The following ALKBH8 variants were observed in gnomAD, a reference collection of about 807,000 sequenced individuals.
ALKBH8 encodes the protein tRNA (carboxymethyluridine(34)-5-O)-methyltransferase ALKBH8.
In ALKBH8, 36 loss-of-function variants were observed where a neutral mutation model predicts 59.8. The observed-to-expected ratio is 0.60, with a 90% CI of 0.46 to 0.79. The LOEUF is 0.79. Among genes scored for constraint, ALKBH8 ranks in the 30% least tolerant of loss-of-function variants. ALKBH8 has a pLI of 0.00. For synonymous variants in ALKBH8, 276 were observed against 273.6 expected, an observed-to-expected ratio of 1.01 and a Z score of -0.09; for missense variants, 768 against 801.0, an observed-to-expected ratio of 0.96 and a Z score of 0.50.
At chr11:107,530,088 T>C (rs867668614) in intron 8 of ALKBH8, among the ~76,000 whole-genome samples, 121 of 152,304 alleles carry the variant, frequency 7.9e-4, no homozygotes, top group African/African-American at 2.8e-3. Flanking sequence ...CAAATTTTTA[T>C]GTGAAAACTC....
At chr11:107,506,623 T>C (rs1378212041) in intron 11 of ALKBH8, among the ~76,000 whole-genome samples, 2 of 152,132 alleles carry the variant, frequency 1.3e-5, no homozygotes, top group African/African-American at 4.8e-5. Flanking sequence ...CAAGTCAGTA[T>C]AAGTTACCCA....
At chr11:107,523,050 CAAA>C (rs56663802) in intron 9 of ALKBH8, among the ~76,000 whole-genome samples, 249 of 146,560 alleles carry the variant, frequency 1.7e-3, no homozygotes, top group Middle Eastern at 3.5e-3. Context: ...CTGCCTTGCT[CAAA>C]AAAAAAAAAA....
intron 7 of ALKBH8, among the ~76,000 whole-genome samples, chr11:107,548,623 T>G (rs903588349): frequency 1.3e-5 from 2 of 152,204 alleles, no homozygotes; most frequent in African/African-American, 4.8e-5. Flanking sequence ...TTGTGTCATA[T>G]CAAACACCAC....
Position 107,556,893 on chromosome 11 carries a change from C to G in ALKBH8, c.240G>C (p.Lys80Asn), listed in dbSNP as rs1417562808. 5 of 1,611,820 alleles carry G rather than the reference C, an allele frequency of 3.1e-6. No homozygotes were observed. Among genetic ancestry groups the G allele is most frequent in the Non-Finnish European group, 4.2e-6 (5 of 1,178,986 alleles). The part of the protein sequence containing the change: ...LVDALLMPPN[K>N]PYSFARYRTT... The stretch of plus-strand genomic sequence containing the variant: ...TTCTGTATCTTGCAAATGAGTACGG[C>G]TTGTTAGGTGGCATTAAGAGAGCAT... Residue 80 changes from lysine (K) to asparagine (N), a missense_variant, in exon 3 of 12, where the codon AAG becomes AAC. By Grantham distance (94) the Lys-to-Asn change is moderately conservative. Coordinates refer to ENST00000428149, the MANE Select transcript of ALKBH8 (RefSeq NM_138775.3).
chr11:107,508,396 CT>C (rs1289135286), intron 11 of ALKBH8, among the ~76,000 whole-genome samples: 1 of 152,174 alleles, frequency 6.6e-6, no homozygotes, highest in East Asian at 1.9e-4. Context: ...TGGTCTCAGA[CT>C]CCTGACCTCA....
chr11:107,553,032 AT>A, intron 5 of ALKBH8, 75 bp downstream of exon 5: 2 of 844,614 alleles, frequency 2.4e-6, no homozygotes, highest in South Asian at 4.2e-5. Flanking sequence ...AAGAAACATA[AT>A]CCCCCAACTA....
chr11:107,510,709 A>C (rs1862584139), intron 11 of ALKBH8, among the ~76,000 whole-genome samples, 178 bp downstream of exon 11: 1 of 152,222 alleles, frequency 6.6e-6, no homozygotes, highest in Non-Finnish European at 1.5e-5. Flanking sequence ...AGTAGAAGAT[A>C]CTTAAACAGT....
At chr11:107,553,653 G>A (rs1864585868) in intron 4 of ALKBH8, among the ~76,000 whole-genome samples, 194 bp downstream of exon 4, 1 of 152,082 alleles carries the variant, frequency 6.6e-6, no homozygotes, top group African/African-American at 2.4e-5. Context: ...TCAGTTTGGA[G>A]TTAAAATTTG....
intron 7 of ALKBH8, among the ~76,000 whole-genome samples, chr11:107,548,903 T>C (rs1864378665): frequency 6.6e-6 from 1 of 151,626 alleles, no homozygotes; most frequent in Non-Finnish European, 1.5e-5. Flanking sequence ...CGGGCTGGAG[T>C]GCAGTGGCGC....
intron 6 of ALKBH8, among the ~76,000 whole-genome samples, chr11:107,550,817 G>C (rs779445576): frequency 1.1e-4 from 16 of 152,152 alleles, no homozygotes; most frequent in Non-Finnish European, 2.2e-4. Context: ...TGCACACACA[G>C]AGAAAAGGAC....
At chr11:107,545,670 T>C (rs754215131) in intron 7 of ALKBH8, among the ~76,000 whole-genome samples, 2 of 152,308 alleles carry the variant, frequency 1.3e-5, no homozygotes, top group African/African-American at 2.4e-5. Context: ...CTTGCCCAAA[T>C]AGCTCTCTCT....
At chr11:107,539,490 T>A (rs536351319) in intron 7 of ALKBH8, among the ~76,000 whole-genome samples, 1 of 151,978 alleles carries the variant, frequency 6.6e-6, no homozygotes. Flanking sequence ...TCCCAGCTAC[T>A]TGGGAGGCTG....
Position 107,505,240 on chromosome 11 carries a change from G to GT in ALKBH8, c.1438-26_1438-25insA, listed in dbSNP as rs763847489. On this transcript the variant is annotated intron_variant, in intron 11 of 11. Transcript: ENST00000428149. ...CCTAATGAAAAAAAACAAAACACAT[G>GT]ATCAACCTGGAAGAGACAGGAAATC... 426 of 1,491,246 alleles carry GT rather than the reference G, an allele frequency of 2.9e-4. 1 individual carries two copies. Among genetic ancestry groups the GT allele is most frequent in the Middle Eastern group, 2.8e-3 (16 of 5,684 alleles). The allele number at this position is 1,491,246 out of a possible 1,614,324, so 92.4% of individuals were successfully genotyped here. A position where few individuals can be genotyped will look rare whatever the true frequency, so the allele number is the denominator to read the frequency against.
intron 10 of ALKBH8, among the ~76,000 whole-genome samples, chr11:107,522,007 C>T (rs1035975102): frequency 6.6e-6 from 1 of 151,860 alleles, no homozygotes; most frequent in African/African-American, 2.4e-5. Context: ...AAAATGATTT[C>T]TATAAAAATC....
Position 107,551,902 on chromosome 11 carries a change from G to A in ALKBH8, c.606C>T (p.Asp202=). ...ATTTCTCCAAAAAGCTTTCACAAAT[G>A]TCAGGAAGACCTACAATGAGTAATC... The part of the protein sequence containing the change: ...KDKPLSGGLP[D]ICESFLEKWL... The change falls in exon 6 of 12, where the codon GAC becomes GAT. Residue 202 remains aspartate, a synonymous_variant. Coordinates refer to ENST00000428149, the MANE Select transcript of ALKBH8 (RefSeq NM_138775.3). 8 of 1,516,656 alleles carry A rather than the reference G, an allele frequency of 5.3e-6. No homozygotes were observed. Among genetic ancestry groups the A allele is most frequent in the Non-Finnish European group, 7.0e-6 (8 of 1,134,758 alleles). 93.9% of individuals were successfully genotyped at this position (1,516,656 alleles called of 1,614,324 possible).
At chr11:107,557,114 G>T (rs557834408) in intron 2 of ALKBH8, 111 bp from the exon 3 acceptor site, 2 of 794,426 alleles carry the variant, frequency 2.5e-6, no homozygotes, top group Admixed American at 3.5e-5. Context: ...GAAAAAAAAA[G>T]CATTTCCTTG....
intron 7 of ALKBH8, among the ~76,000 whole-genome samples, chr11:107,535,742 T>C (rs1030615923): frequency 6.6e-6 from 1 of 152,124 alleles, no homozygotes; most frequent in Non-Finnish European, 1.5e-5. Context: ...TTGAGGCCCA[T>C]TTGGGTAATG....
At chr11:107,533,357 T>C (rs910860168) in intron 7 of ALKBH8, among the ~76,000 whole-genome samples, 8 of 152,124 alleles carry the variant, frequency 5.3e-5, no homozygotes, top group Non-Finnish European at 1.5e-5. Context: ...TAGTACCTAG[T>C]ACAAAGTAAG....
intron 9 of ALKBH8, among the ~76,000 whole-genome samples, chr11:107,524,644 C>G (rs953082569): frequency 6.6e-6 from 1 of 151,950 alleles, no homozygotes; most frequent in Non-Finnish European, 1.5e-5. Flanking sequence ...AAATAAAAAG[C>G]TCTTTTAAGC....
Sources: allele counts gnomAD v4.1 joint callset (sites outside exome capture counted in the v4.1 genomes callset), GRCh38; gene constraint gnomAD v4.1.1; transcripts MANE v1.5; gene names NCBI Gene and HGNC (gene_info 2026-07-23, HGNC 2026-07-21).